Variants in IL1RAPL1 observed in about 807,000 individuals in gnomAD.
IL1RAPL1 encodes interleukin 1 receptor accessory protein like 1, also known as interleukin-1 receptor accessory protein-like 1.
Under a neutral mutation model 48.4 loss-of-function variants are expected in IL1RAPL1, and 3 were observed. That is an observed-to-expected ratio of 0.06 (90% CI 0.03 to 0.16). IL1RAPL1 has a LOEUF of 0.16. IL1RAPL1 is among the 10% of genes least tolerant of loss of function. The pLI, the probability that IL1RAPL1 is intolerant of heterozygous loss-of-function variation, is 1.00. For synonymous variants in IL1RAPL1, 185 were observed against 187.7 expected, an observed-to-expected ratio of 0.99 and a Z score of 0.12; for missense variants, 349 against 530.6, an observed-to-expected ratio of 0.66 and a Z score of 3.36.
intron 6 of IL1RAPL1, among the ~76,000 whole-genome samples, chrX:29,797,317 A>T (rs1929765993): frequency 8.9e-6 from 1 of 112,169 alleles, no homozygotes; most frequent in South Asian, 3.7e-4. Context: ...AATCCAAGTG[A>T]CCTTTTTCCA....
At position 29,718,627 on chromosome X, in the gene IL1RAPL1, G is replaced by A. The variant is rs189456577; in HGVS notation, c.778+50123G>A. Among the ~76,000 whole-genome samples, 172 of 98,903 alleles carry A rather than the reference G, an allele frequency of 1.7e-3. 1 individual carries two copies. The highest frequency in any genetic ancestry group is 3.1e-3 in the Admixed American group (28 of 9,179). 85.9% of individuals were successfully genotyped at this position (98,903 alleles called of 115,157 possible). ...TTAAAAAAAAAAAAAAAAAAAGAAT[G>A]TGCTCTCAGCTGGAGACATGCTTCA... On this transcript the variant is annotated intron_variant, in intron 6 of 10. Coordinates refer to ENST00000378993, the MANE Select transcript of IL1RAPL1 (RefSeq NM_014271.4).
At chrX:28,711,997 C>T (rs1321315376) in intron 1 of IL1RAPL1, among the ~76,000 whole-genome samples, 6 of 110,827 alleles carry the variant, frequency 5.4e-5, no homozygotes, top group Admixed American at 9.7e-5. Flanking sequence ...GAACTTTCAT[C>T]GCAAACCTAA....
intron 5 of IL1RAPL1, among the ~76,000 whole-genome samples, chrX:29,666,728 G>A (rs1489028494): frequency 1.8e-5 from 2 of 110,677 alleles, no homozygotes; most frequent in East Asian, 2.8e-4. Context: ...GCAAACTAAT[G>A]TGGTATGCGT....
At chrX:29,262,435 C>T (rs761198171) in intron 2 of IL1RAPL1, among the ~76,000 whole-genome samples, 8 of 110,812 alleles carry the variant, frequency 7.2e-5, no homozygotes, top group East Asian at 2.8e-4. Flanking sequence ...AGGCCGAGGT[C>T]GGCAGATGAC....
chrX:29,951,673 A>G (rs1056679831), intron 9 of IL1RAPL1, among the ~76,000 whole-genome samples: 2 of 112,273 alleles, frequency 1.8e-5, no homozygotes, highest in Admixed American at 9.4e-5. Flanking sequence ...AAGTTTTGAC[A>G]TTAAAGAAAT....
chrX:29,394,080 A>T (rs901016491), intron 3 of IL1RAPL1, among the ~76,000 whole-genome samples: 23 of 108,674 alleles, frequency 2.1e-4, no homozygotes, highest in Non-Finnish European at 5.7e-5. Flanking sequence ...AACTGAGAAA[A>T]ATTCTTGATC....
At chrX:29,866,511 GTCT>G (rs1217437860) in intron 6 of IL1RAPL1, among the ~76,000 whole-genome samples, 1 of 110,230 alleles carries the variant, frequency 9.1e-6, no homozygotes, top group East Asian at 2.8e-4. Flanking sequence ...AGACGAAGTG[GTCT>G]TCTGTGCACG....
intron 2 of IL1RAPL1, among the ~76,000 whole-genome samples, chrX:28,814,568 A>G (rs2147277782): frequency 9.1e-6 from 1 of 110,023 alleles, no homozygotes; most frequent in East Asian, 2.9e-4. Flanking sequence ...AGGAATATTC[A>G]TGTTTAAGGT....
At chrX:29,224,481 T>C (rs1469020248) in intron 2 of IL1RAPL1, among the ~76,000 whole-genome samples, 2 of 111,587 alleles carry the variant, frequency 1.8e-5, no homozygotes, top group Admixed American at 9.6e-5. Context: ...TGGGTTGCAC[T>C]TGTTTGTATA....
chrX:29,886,350 G>A (rs763458771), intron 6 of IL1RAPL1, among the ~76,000 whole-genome samples: 1 of 112,019 alleles, frequency 8.9e-6, no homozygotes, highest in African/African-American at 3.2e-5. Flanking sequence ...TTCATCTGTG[G>A]CTTATAGAAC....
intron 6 of IL1RAPL1, among the ~76,000 whole-genome samples, chrX:29,803,204 C>T (rs1446366101): frequency 2.9e-5 from 1 of 34,401 alleles, no homozygotes; most frequent in Non-Finnish European, 5.5e-5. Context: ...TACATATACA[C>T]ACATGTATAT....
intron 2 of IL1RAPL1, among the ~76,000 whole-genome samples, chrX:29,021,084 C>T (rs1458286206): frequency 2.8e-5 from 3 of 109,066 alleles, no homozygotes; most frequent in Non-Finnish European, 5.7e-5. Context: ...ATTAGCTGGG[C>T]GTGGTGGCAC....
chrX:28,963,509 A>C (rs929566975), intron 2 of IL1RAPL1, among the ~76,000 whole-genome samples: 1 of 111,430 alleles, frequency 9.0e-6, no homozygotes, highest in Admixed American at 9.7e-5. Flanking sequence ...AAGTAGATGA[A>C]GTTAAAATTA....
intron 1 of IL1RAPL1, among the ~76,000 whole-genome samples, chrX:28,769,505 T>G (rs748350143): frequency 8.9e-6 from 1 of 111,765 alleles, no homozygotes; most frequent in South Asian, 3.8e-4. Flanking sequence ...TAAATATTAT[T>G]TAATGATACT....
intron 2 of IL1RAPL1, among the ~76,000 whole-genome samples, chrX:28,979,130 G>A (rs1925272498): frequency 8.9e-6 from 1 of 111,795 alleles, no homozygotes; most frequent in Non-Finnish European, 1.9e-5. Context: ...GCAAGATGGT[G>A]AGAGAATTGT....
intron 2 of IL1RAPL1, among the ~76,000 whole-genome samples, chrX:28,835,170 T>A (rs1316089596): frequency 1.8e-5 from 2 of 111,594 alleles, no homozygotes; most frequent in Admixed American, 9.6e-5. Context: ...AATATCTGGA[T>A]TTCTGGCATC....
chrX:29,905,721 A>G (rs1932598869), intron 6 of IL1RAPL1, among the ~76,000 whole-genome samples: 1 of 111,727 alleles, frequency 9.0e-6, no homozygotes, highest in African/African-American at 3.3e-5. Context: ...AACAAATGTC[A>G]GAGCCATAAT....
intron 2 of IL1RAPL1, among the ~76,000 whole-genome samples, chrX:29,099,180 C>G (rs1018449920): frequency 6.3e-5 from 7 of 110,780 alleles, no homozygotes; most frequent in African/African-American, 2.3e-4. Flanking sequence ...ACAAAACAAT[C>G]TTTAACGTAT....
intron 3 of IL1RAPL1, among the ~76,000 whole-genome samples, chrX:29,302,137 A>T (rs1932545366): frequency 8.9e-6 from 1 of 111,909 alleles, no homozygotes; most frequent in African/African-American, 3.2e-5. Flanking sequence ...GTGATCCAGG[A>T]TGGCCTAAAT....
Sources: allele counts gnomAD v4.1 joint callset (sites outside exome capture counted in the v4.1 genomes callset), GRCh38; gene constraint gnomAD v4.1.1; transcripts MANE v1.5; gene names NCBI Gene and HGNC (gene_info 2026-07-23, HGNC 2026-07-21).